PSG11: variants seen among roughly 807,000 people sequenced by gnomAD.
The protein encoded by PSG11 is pregnancy specific beta-1-glycoprotein 11.
PSG11 carries 42 observed loss-of-function variants against 36.0 expected under a neutral mutation model. The ratio of observed to expected loss-of-function variants is 1.17; its 90% CI spans 0.91 to 1.51. The LOEUF (loss-of-function observed/expected upper bound fraction) is 1.51, where lower values mean the gene tolerates loss of function less well. Ranked by LOEUF, PSG11 falls within the 40% of genes most tolerant of loss-of-function variation. The pLI, the probability that PSG11 is intolerant of heterozygous loss-of-function variation, is 0.00. For missense variants in PSG11, 558 were observed against 403.5 expected (o/e 1.38, Z -3.28); for synonymous variants, 206 against 153.5 (o/e 1.34, Z -2.53).
Position 43,017,705 on chromosome 19 carries a change from G to T in PSG11, c.709+1065C>A, listed in dbSNP as rs1462269734. ...TCTGCAACTCACTTTGGGTAGTATT[G>T]TCTTTCTAACAATATTGATTCTTCC... On this transcript the variant is annotated intron_variant, in intron 3 of 5. Coordinates refer to ENST00000320078, the MANE Select transcript of PSG11 (RefSeq NM_002785.3). 3.3e-5 allele frequency: 5 copies of T among 151,304 alleles called. 1 individual carries two copies. The highest frequency in any genetic ancestry group is 7.4e-5 in the Non-Finnish European group (5 of 67,874). 9.4% of individuals were successfully genotyped at this position (151,304 alleles called of 1,614,324 possible).
chr19:43,018,766 T>G lies in PSG11; in HGVS notation c.709+4A>C, dbSNP rs768945513. ...TGGCTCACAGAGGAACAGAAGATACTCACGGAGGAGATTCAGGGTGACTGG... is the reference window on the plus strand; with the variant it reads ...TGGCTCACAGAGGAACAGAAGATACGCACGGAGGAGATTCAGGGTGACTGG... On this transcript the variant is annotated splice_donor_region_variant and intron_variant, in intron 3 of 5. Transcript: ENST00000320078. 1.9e-6 allele frequency: 3 copies of G among 1,612,052 alleles called. No homozygotes were observed. Among genetic ancestry groups the G allele is most frequent in the Non-Finnish European group, 2.5e-6 (3 of 1,179,050 alleles).
chr19:43,021,446 G>T (rs113498025), intron 2 of PSG11, among the ~76,000 whole-genome samples: 1 of 151,176 alleles, frequency 6.6e-6, no homozygotes, highest in Non-Finnish European at 1.5e-5. Context: ...CCACCTCCCG[G>T]GTTCACACCA....
chr19:43,023,195 A>G lies in PSG11; in HGVS notation c.430+1496T>C, dbSNP rs374158849. ...GCAAGAGGTAGTGGGGGGATGAAAC[A>G]TGGGTGTCAGCCTCTGAAGGACAAG... On this transcript the variant is annotated intron_variant, in intron 2 of 5. Transcript: ENST00000320078. Among the ~76,000 whole-genome samples, 311 of 150,064 alleles carry G rather than the reference A, an allele frequency of 2.1e-3. 6 individuals are homozygous for G. The highest frequency in any genetic ancestry group is 6.9e-3 in the African/African-American group (279 of 40,424).
rs1243175495 is a variant in PSG11 at position 43,024,909 on chromosome 19, TG to T, written c.211del (p.Gln71LysfsTer13). The T allele has an allele frequency of 6.2e-7, 1 of 1,611,778 alleles. No individual in the cohort carries two copies. Among genetic ancestry groups the T allele is most frequent in the East Asian group, 2.2e-5 (1 of 44,802 alleles). On this transcript the variant is annotated frameshift_variant, in exon 2 of 6. Coordinates refer to ENST00000320078, the MANE Select transcript of PSG11 (RefSeq NM_002785.3). LOFTEE classifies it high-confidence loss of function. ...NLTGYIWYKG[Q>X]IRDLYHYITS... ...AATGTAATGGTAGAGGTCCCTGATT[TG>T]CCCTTTGTACCAGATGTAGCCAGTA...
chr19:43,024,516 C>G lies in PSG11; in HGVS notation c.430+175G>C, dbSNP rs1967187006. 2.4e-6 allele frequency: 3 copies of G among 1,275,310 alleles called. No homozygotes were observed. In the Admixed American group the frequency reaches 5.8e-5, roughly 25 times the overall value. 79.0% of individuals were successfully genotyped at this position (1,275,310 alleles called of 1,614,324 possible). On this transcript the variant is annotated intron_variant, in intron 2 of 5. Transcript: ENST00000320078. ...AGGGTCTGGATGCGGGAAAGGAATT[C>G]TGATCTGTTGAAATTTGTCTCCTCT...
intron 4 of PSG11, among the ~76,000 whole-genome samples, chr19:43,011,367 A>G (rs1314752580): frequency 6.6e-6 from 1 of 151,354 alleles, no homozygotes; most frequent in Non-Finnish European, 1.5e-5. Flanking sequence ...TCAACAACCT[A>G]CTTTAACACT....
chr19:43,016,553 T>C (rs1235235694), intron 3 of PSG11, among the ~76,000 whole-genome samples: 1 of 151,448 alleles, frequency 6.6e-6, no homozygotes, highest in Non-Finnish European at 1.5e-5. Context: ...TGGGACTGGA[T>C]GTTTCAGCAG....
At chr19:43,018,480 C>T in intron 3 of PSG11, 1 of 654,088 alleles carries the variant, frequency 1.5e-6, no homozygotes, top group Non-Finnish European at 2.4e-6. Flanking sequence ...ACTGAAGTCC[C>T]AGCCAAATCC....
At chr19:43,012,358 TTC>T (rs1568485989) in intron 4 of PSG11, among the ~76,000 whole-genome samples, 1 of 151,430 alleles carries the variant, frequency 6.6e-6, no homozygotes, top group Non-Finnish European at 1.5e-5. Context: ...GTAAAATTAT[TTC>T]TGTTTACAGA....
intron 3 of PSG11, among the ~76,000 whole-genome samples, chr19:43,015,572 C>A (rs543510571): frequency 6.6e-6 from 1 of 151,524 alleles, no homozygotes; most frequent in Non-Finnish European, 1.5e-5. Flanking sequence ...TCTCCCATGA[C>A]AAGAGCATCC....
intron 4 of PSG11, among the ~76,000 whole-genome samples, chr19:43,011,012 G>C (rs571239906): frequency 6.6e-5 from 10 of 150,830 alleles, no homozygotes; most frequent in South Asian, 4.2e-4. Flanking sequence ...ATAACCCTGT[G>C]AGGTAGACAT....
In PSG11 at chr19:43,024,391, G is replaced by C. The variant is rs567376954; in HGVS notation, c.430+300C>G. On this transcript the variant is annotated intron_variant, in intron 2 of 5. Transcript: ENST00000320078. Reference sequence around the variant, plus strand: ...CTCAGTTCTCCAGGGTCTTTCTCAGGGTCAAATTTATGAAGAGGGCATGAG... The same window carrying C: ...CTCAGTTCTCCAGGGTCTTTCTCAGCGTCAAATTTATGAAGAGGGCATGAG... 908 of 507,522 alleles carry C rather than the reference G, an allele frequency of 1.8e-3. 11 individuals are homozygous for C. The highest frequency in any genetic ancestry group is 2.4e-3 in the Non-Finnish European group (710 of 292,724). The allele number at this position is 507,522 out of a possible 1,614,324, so 31.4% of individuals were successfully genotyped here.
chr19:43,021,624 G>C (rs1967104226), intron 2 of PSG11, among the ~76,000 whole-genome samples: 1 of 151,406 alleles, frequency 6.6e-6, no homozygotes, highest in Admixed American at 6.6e-5. Context: ...GCGATTATAG[G>C]CATCAGCCAC....
intron 2 of PSG11, 60 bp from the exon 3 acceptor site, chr19:43,019,108 T>A: frequency 6.3e-7 from 1 of 1,577,276 alleles, no homozygotes; most frequent in Non-Finnish European, 8.6e-7. Context: ...TCCAAAGGCA[T>A]TTTTCAATCA....
At chr19:43,016,106 C>T in intron 3 of PSG11, 1 of 1,548,578 alleles carries the variant, frequency 6.5e-7, no homozygotes, top group South Asian at 1.3e-5. Context: ...CCACAGGCAT[C>T]CTTCAATCAG....
At chr19:43,017,099 G>T (rs1184681749) in intron 3 of PSG11, 1 of 151,412 alleles carries the variant, frequency 6.6e-6, no homozygotes, top group Non-Finnish European at 1.5e-5. Flanking sequence ...TGGGAGTGGG[G>T]AGAATCAGAA....
At position 43,015,100 on chromosome 19, in the gene PSG11, G is replaced by T. The variant is rs1459013880; in HGVS notation, c.964+16C>A. 6 of 1,611,560 alleles carry T rather than the reference G, an allele frequency of 3.7e-6. No individual in the cohort carries two copies. Among genetic ancestry groups the T allele is most frequent in the Non-Finnish European group, 5.1e-6 (6 of 1,178,714 alleles). On this transcript the variant is annotated intron_variant, in intron 4 of 5. Coordinates refer to ENST00000320078, the MANE Select transcript of PSG11 (RefSeq NM_002785.3). The stretch of plus-strand genomic sequence containing the variant: ...CACCTAAAACCCTATTGCCAAGGAT[G>T]CTGGGATCCACTTACCAATGACTCT...
At position 43,015,190 on chromosome 19, in the gene PSG11, C is replaced by T. The variant is rs754262781; in HGVS notation, c.890G>A (p.Gly297Glu). The T allele has an allele frequency of 6.2e-7, 1 of 1,610,620 alleles. No individual in the cohort carries two copies. Among genetic ancestry groups the T allele is most frequent in the Non-Finnish European group, 8.5e-7 (1 of 1,177,748 alleles). ...GTTACGAGCAGAGCAAGCATAGAGC[C>T]CATTATGCTTTGGAGTAATCTGAGG... ...FIPQITPKHN[G>E]LYACSARNSA... is the part of the protein sequence containing the mutation. Residue 297 changes from glycine (G) to glutamate (E), a missense_variant, in exon 4 of 6, where the codon GGG becomes GAG. Gly to Glu is a moderately conservative substitution (Grantham distance 98, BLOSUM62 -2). Coordinates refer to ENST00000320078, the MANE Select transcript of PSG11 (RefSeq NM_002785.3).
chr19:43,021,058 C>T (rs551568035), intron 2 of PSG11, among the ~76,000 whole-genome samples: 2 of 151,386 alleles, frequency 1.3e-5, no homozygotes, highest in African/African-American at 2.4e-5. Context: ...GTAAAACCAT[C>T]AGATAGCACC....
Sources: gnomAD v4.1 joint callset for allele counts (sites outside exome capture counted in the v4.1 genomes callset) on GRCh38, gnomAD v4.1.1 for gene constraint, MANE v1.5 for transcripts, NCBI Gene and HGNC (gene_info 2026-07-23, HGNC 2026-07-21) for gene names.